Variants in RALY observed in about 807,000 individuals in gnomAD.
RALY encodes RALY heterogeneous nuclear ribonucleoprotein, also known as RNA-binding protein Raly.
Under a neutral mutation model 30.7 loss-of-function variants are expected in RALY, and 15 were observed. The observed-to-expected ratio is 0.49, with a 90% confidence interval of 0.33 to 0.75. The LOEUF is 0.75. Among genes scored for constraint, RALY ranks in the 30% least tolerant of loss-of-function variants. The pLI is 0.02. For missense variants in RALY, 339 were observed against 414.3 expected, an observed-to-expected ratio of 0.82 and a Z score of 1.58; for synonymous variants, 177 against 170.8, an observed-to-expected ratio of 1.04 and a Z score of -0.28.
At chr20:34,007,150 C>T (rs1391428698) in intron 1 of RALY, among the ~76,000 whole-genome samples, 3 of 152,116 alleles carry the variant, frequency 2.0e-5, no homozygotes, top group Admixed American at 2.0e-4. Context: ...CAAGGCCCCG[C>T]CTGGATTTGA....
chr20:34,024,696 T>A (rs1028908129), intron 1 of RALY, among the ~76,000 whole-genome samples: 43 of 152,160 alleles, frequency 2.8e-4, no homozygotes, highest in African/African-American at 1.0e-3. Flanking sequence ...CCTGTCTTTG[T>A]TTGGGAGTAT....
intron 8 of RALY, 21 bp from the exon 9 acceptor site, chr20:34,078,484 C>A: frequency 6.4e-7 from 1 of 1,569,374 alleles, no homozygotes; most frequent in Non-Finnish European, 8.6e-7. Context: ...TGTGTGGTCT[C>A]TCTTACCTCC....
At position 34,031,513 on chromosome 20, in the gene RALY, C is replaced by A. The variant is rs1259842455; in HGVS notation, c.-92-9C>A. On this transcript the variant is annotated splice_polypyrimidine_tract_variant and intron_variant, in intron 1 of 9. Transcript: ENST00000246194. ...CAGCACCCCTAATGGACTTCTCTCTCTATTGTAGGTGAGCCCTATTCCCAG... is the reference window on the plus strand; with the variant it reads ...CAGCACCCCTAATGGACTTCTCTCTATATTGTAGGTGAGCCCTATTCCCAG... 6.6e-6 allele frequency: 1 copy of A among 152,136 alleles called. No homozygotes were observed. The highest frequency in any genetic ancestry group is 1.5e-5 in the Non-Finnish European group (1 of 68,042). The allele number at this position is 152,136 out of a possible 1,614,324, so 9.4% of individuals were successfully genotyped here.
intron 2 of RALY, among the ~76,000 whole-genome samples, chr20:34,039,882 G>A (rs192873433): frequency 2.0e-5 from 3 of 152,298 alleles, no homozygotes; most frequent in African/African-American, 7.2e-5. Flanking sequence ...GGAGGCCAAG[G>A]AGGAAGGATC....
intron 1 of RALY, among the ~76,000 whole-genome samples, chr20:33,997,012 C>T (rs968717886): frequency 1.3e-5 from 2 of 152,194 alleles, no homozygotes; most frequent in African/African-American, 4.8e-5. Flanking sequence ...GAACCCAGGC[C>T]TCTCTGAGTA....
chr20:34,078,578 C>A, intron 9 of RALY, 25 bp downstream of exon 9: 1 of 1,531,836 alleles, frequency 6.5e-7, no homozygotes, highest in South Asian at 1.3e-5. Context: ...TCCTGATGGG[C>A]AGAGGGTGGG....
intron 2 of RALY, among the ~76,000 whole-genome samples, chr20:34,068,972 A>G (rs1037251253): frequency 1.3e-5 from 2 of 152,212 alleles, no homozygotes; most frequent in African/African-American, 2.4e-5. Context: ...GAGGAGCTCA[A>G]GAGGTTGGGT....
chr20:34,000,760 A>G (rs536403348), intron 1 of RALY, among the ~76,000 whole-genome samples: 6 of 152,324 alleles, frequency 3.9e-5, no homozygotes, highest in South Asian at 4.1e-4. Context: ...TCTACTAACT[A>G]AAGTGCAAAT....
At chr20:34,064,623 T>TCCCTACC (rs1855900041) in intron 2 of RALY, among the ~76,000 whole-genome samples, 1 of 152,080 alleles carries the variant, frequency 6.6e-6, no homozygotes, top group Admixed American at 6.6e-5. Context: ...GGCTCCCTAC[T>TCCCTACC]CCCTACCCCC....
chr20:34,027,737 T>C (rs778130103), intron 1 of RALY, among the ~76,000 whole-genome samples: 3 of 152,194 alleles, frequency 2.0e-5, no homozygotes, highest in Non-Finnish European at 4.4e-5. Context: ...ATTTTTTGAC[T>C]AATTAGATAG....
chr20:34,032,073 C>T (rs1021580295), intron 2 of RALY, among the ~76,000 whole-genome samples: 1 of 152,220 alleles, frequency 6.6e-6, no homozygotes, highest in African/African-American at 2.4e-5. Context: ...AGCAATTCTC[C>T]TGCCTCAGCC....
intron 1 of RALY, among the ~76,000 whole-genome samples, chr20:34,019,430 C>T (rs573512273): frequency 6.6e-6 from 1 of 152,280 alleles, no homozygotes; most frequent in East Asian, 1.9e-4. Context: ...TTGGCCTCTG[C>T]TTTAAGTGGT....
intron 1 of RALY, among the ~76,000 whole-genome samples, chr20:34,004,562 GA>G (rs2031074340): frequency 6.6e-6 from 1 of 152,206 alleles, no homozygotes; most frequent in African/African-American, 2.4e-5. Context: ...GCAGGTGGTG[GA>G]AGTGTCCCAC....
chr20:34,033,862 G>T (rs1376808270), intron 2 of RALY, among the ~76,000 whole-genome samples: 1 of 152,122 alleles, frequency 6.6e-6, no homozygotes, highest in East Asian at 1.9e-4. Context: ...ATCTTCTTCT[G>T]TGCCCTTCTC....
chr20:34,073,683 T>G, intron 4 of RALY, 48 bp downstream of exon 4: 1 of 1,543,746 alleles, frequency 6.5e-7, no homozygotes, highest in Non-Finnish European at 9.0e-7. Flanking sequence ...ACTCTCTCTT[T>G]CCACAGAGGG....
At chr20:34,061,189 C>T (rs2033405288) in intron 2 of RALY, among the ~76,000 whole-genome samples, 1 of 152,090 alleles carries the variant, frequency 6.6e-6, no homozygotes, top group South Asian at 2.1e-4. Context: ...GTGGTTCCAG[C>T]CCCCCATTAA....
chr20:34,057,149 G>C (rs1021558764), intron 2 of RALY, among the ~76,000 whole-genome samples: 3 of 152,046 alleles, frequency 2.0e-5, no homozygotes, highest in Admixed American at 2.0e-4. Flanking sequence ...TAATAAATGT[G>C]TTATAATGCT....
intron 2 of RALY, among the ~76,000 whole-genome samples, chr20:34,051,504 C>G: frequency 6.6e-6 from 1 of 152,156 alleles, no homozygotes; most frequent in East Asian, 1.9e-4. Flanking sequence ...TAGCACAGTA[C>G]AGAACATGTG....
chr20:34,074,370 C>T (rs928461119), intron 5 of RALY, among the ~76,000 whole-genome samples: 1 of 152,192 alleles, frequency 6.6e-6, no homozygotes, highest in African/African-American at 2.4e-5. Context: ...TACCCAGACT[C>T]CAGCCCAGAG....
Sources: allele counts gnomAD v4.1 joint callset (sites outside exome capture counted in the v4.1 genomes callset), GRCh38; gene constraint gnomAD v4.1.1; transcripts MANE v1.5; gene names NCBI Gene and HGNC (gene_info 2026-07-23, HGNC 2026-07-21).